Variants in ULK4 observed in about 807,000 individuals in gnomAD.
The protein encoded by ULK4 is inactive serine/threonine-protein kinase ULK4.
A neutral mutation model predicts 160.6 loss-of-function variants in ULK4; 133 were observed. The ratio of observed to expected loss-of-function variants is 0.83; its 90% CI spans 0.72 to 0.96. The LOEUF (loss-of-function observed/expected upper bound fraction) is 0.96, where lower values mean the gene tolerates loss of function less well. Ranked by LOEUF, ULK4 falls within the 40% of genes least tolerant of loss-of-function variation. The probability of loss-of-function intolerance (pLI) is 0.00; values close to 1 mark genes in which losing one functional copy is unlikely to be tolerated. For synonymous variants in ULK4, 534 were observed against 539.8 expected, an observed-to-expected ratio of 0.99 and a Z score of 0.15; for missense variants, 1,580 against 1,499.5, an observed-to-expected ratio of 1.05 and a Z score of -0.89.
intron 18 of ULK4, among the ~76,000 whole-genome samples, chr3:41,833,007 G>A (rs568801199): frequency 6.6e-6 from 1 of 151,986 alleles, no homozygotes; most frequent in Non-Finnish European, 1.5e-5. Flanking sequence ...GATTGTCTTG[G>A]CTATATGGGC....
chr3:41,935,650 C>G (rs978856077), intron 4 of ULK4, 151 bp downstream of exon 4: 5 of 930,684 alleles, frequency 5.4e-6, no homozygotes, highest in Middle Eastern at 3.7e-4. Flanking sequence ...CATGAGCCAC[C>G]GTGCCCTGCC....
At chr3:41,617,088 G>A (rs758001919) in intron 30 of ULK4, among the ~76,000 whole-genome samples, 10 of 152,238 alleles carry the variant, frequency 6.6e-5, no homozygotes, top group Non-Finnish European at 1.5e-4. Flanking sequence ...CTGAGGAAAG[G>A]TAGCAGCCCA....
intron 34 of ULK4, among the ~76,000 whole-genome samples, chr3:41,407,212 G>T (rs2082311683): frequency 6.6e-6 from 1 of 151,876 alleles, no homozygotes; most frequent in South Asian, 2.1e-4. Flanking sequence ...TCCTACAAAA[G>T]AACAACAACA....
chr3:41,360,717 G>A (rs1349258851), intron 35 of ULK4, among the ~76,000 whole-genome samples: 3 of 152,130 alleles, frequency 2.0e-5, no homozygotes, highest in African/African-American at 4.8e-5. Context: ...CCTGAACGAT[G>A]AGAACACATG....
intron 29 of ULK4, 133 bp from the exon 30 acceptor site, chr3:41,663,832 AT>A (rs932333439): frequency 1.4e-6 from 1 of 701,068 alleles, no homozygotes; most frequent in Admixed American, 2.6e-5. Context: ...GATTTAAGTA[AT>A]TTACCTCTCA....
intron 30 of ULK4, among the ~76,000 whole-genome samples, chr3:41,622,586 C>T (rs139727637): frequency 6.6e-6 from 1 of 152,024 alleles, no homozygotes; most frequent in Non-Finnish European, 1.5e-5. Flanking sequence ...ACATCATACA[C>T]CAGGGCCTGT....
chr3:41,702,823 A>G (rs1469023933), intron 27 of ULK4, among the ~76,000 whole-genome samples: 1 of 151,522 alleles, frequency 6.6e-6, no homozygotes, highest in African/African-American at 2.4e-5. Flanking sequence ...GCAGGCCAAA[A>G]TTAGTAAGTT....
At position 41,961,401 on chromosome 3, in the gene ULK4, G is replaced by A. The variant is rs1576027951; in HGVS notation, c.-49+615C>T. ...GTTACTACACGCCCTGGGGTGACTG[G>A]GATGCGCTCAAGTCTGCGAAATGCC... On this transcript the variant is annotated intron_variant, in intron 1 of 36. Transcript: ENST00000301831. Among the ~76,000 whole-genome samples the A allele has an allele frequency of 3.9e-5, 6 of 152,256 alleles. No homozygotes were observed. In the South Asian group the frequency reaches 1.0e-3, roughly 26 times the overall value.
At chr3:41,818,127 A>C (rs1460128079) in intron 19 of ULK4, among the ~76,000 whole-genome samples, 1 of 151,900 alleles carries the variant, frequency 6.6e-6, no homozygotes, top group Non-Finnish European at 1.5e-5. Context: ...AAAAAAAAAA[A>C]AAAACTAACT....
intron 17 of ULK4, among the ~76,000 whole-genome samples, chr3:41,845,413 C>T (rs1002660908): frequency 1.3e-5 from 2 of 152,060 alleles, no homozygotes; most frequent in African/African-American, 2.4e-5. Flanking sequence ...TGAAAAAAGC[C>T]AACCACCAAC....
chr3:41,257,586 T>A (rs1219181558), intron 35 of ULK4, among the ~76,000 whole-genome samples: 1 of 149,876 alleles, frequency 6.7e-6, no homozygotes, highest in African/African-American at 2.5e-5. Flanking sequence ...TGAGCCATGA[T>A]CAAGCAACTG....
At chr3:41,287,040 A>G (rs890787254) in intron 35 of ULK4, among the ~76,000 whole-genome samples, 1 of 152,194 alleles carries the variant, frequency 6.6e-6, no homozygotes, top group African/African-American at 2.4e-5. Context: ...GATTTGACAG[A>G]GAGGTGACGC....
intron 3 of ULK4, 102 bp from the exon 4 acceptor site, chr3:41,936,042 A>C (rs1699767072): frequency 9.6e-6 from 14 of 1,462,838 alleles, no homozygotes; most frequent in Admixed American, 4.5e-5. Context: ...AAAATGATCA[A>C]GACAGTAAAC....
intron 20 of ULK4, among the ~76,000 whole-genome samples, chr3:41,795,585 T>A (rs1013573495): frequency 6.6e-6 from 1 of 152,222 alleles, no homozygotes; most frequent in Non-Finnish European, 1.5e-5. Flanking sequence ...ACTAATTTAC[T>A]AAGCAAAATG....
At chr3:41,685,302 G>T (rs946799578) in intron 27 of ULK4, among the ~76,000 whole-genome samples, 8 of 152,260 alleles carry the variant, frequency 5.3e-5, no homozygotes, top group African/African-American at 1.9e-4. Flanking sequence ...CATAAAGAAG[G>T]TGAAGTTTCT....
intron 31 of ULK4, among the ~76,000 whole-genome samples, chr3:41,589,796 A>C (rs972562742): frequency 6.6e-6 from 1 of 152,210 alleles, no homozygotes; most frequent in African/African-American, 2.4e-5. Flanking sequence ...CAGAAATGAA[A>C]TATTGCTACA....
At chr3:41,383,761 A>G (rs886407773) in intron 35 of ULK4, among the ~76,000 whole-genome samples, 1 of 152,076 alleles carries the variant, frequency 6.6e-6, no homozygotes, top group African/African-American at 2.4e-5. Flanking sequence ...AGCACCAGGG[A>G]CTCTTAGCTT....
intron 21 of ULK4, among the ~76,000 whole-genome samples, chr3:41,765,911 A>G (rs2039146396): frequency 6.6e-6 from 1 of 152,226 alleles, no homozygotes; most frequent in African/African-American, 2.4e-5. Context: ...CTCTACCACC[A>G]ATAAGCAAAT....
chr3:41,632,316 C>T (rs2125704801), intron 30 of ULK4, among the ~76,000 whole-genome samples: 1 of 152,250 alleles, frequency 6.6e-6, no homozygotes, highest in Admixed American at 6.5e-5. Flanking sequence ...ACAGAAATTC[C>T]ATATTTTTTA....
Sources: gnomAD v4.1 joint callset for allele counts (sites outside exome capture counted in the v4.1 genomes callset) on GRCh38, gnomAD v4.1.1 for gene constraint, MANE v1.5 for transcripts, NCBI Gene and HGNC (gene_info 2026-07-23, HGNC 2026-07-21) for gene names.